The following ZNF865 variants were observed in gnomAD, a reference collection of about 807,000 sequenced individuals.
The protein encoded by ZNF865 is zinc finger protein 865.
For synonymous variants in ZNF865, 763 were observed against 750.8 expected (o/e 1.02, Z -0.27); for missense variants, 1,311 against 1,593.4 (o/e 0.82, Z 3.02).
rs189616162 is a variant in ZNF865 at position 55,616,468 on chromosome 19, C to T, written c.2850C>T (p.His950=). Reference sequence around the variant, plus strand: ...GCTACCGCTCCAACCTGCTGGAGCACCAGCGGCTGCACCTGGGCGAGCGCG... The same window carrying T: ...GCTACCGCTCCAACCTGCTGGAGCATCAGCGGCTGCACCTGGGCGAGCGCG... ...TFRYRSNLLE[H]QRLHLGERAY... Residue 950 remains histidine, a synonymous_variant, in exon 2 of 2, where the codon CAC becomes CAT. Transcript: ENST00000568956. 594 of 1,532,528 alleles carry T rather than the reference C, an allele frequency of 3.9e-4. 4 individuals carry two copies. The African/African-American group carries it at 7.2e-3, about 18-fold the overall frequency. The allele number at this position is 1,532,528 out of a possible 1,614,324, so 94.9% of individuals were successfully genotyped here. A position where few individuals can be genotyped will look rare whatever the true frequency, so the allele number is the denominator to read the frequency against.
chr19:55,615,779 G>C lies in ZNF865; in HGVS notation c.2161G>C (p.Ala721Pro), dbSNP rs1442392652. ...CATGTGGCACAAGCTGGTCCACCAG[G>C]CCGCCCCCGAGCGCCTGCTCCCGCC... ...NLMWHKLVHQ[A>P]APERLLPPAP... The change falls in exon 2 of 2, where the codon GCC (alanine) becomes CCC (proline). Residue 721 changes from alanine to proline, a missense_variant. By Grantham distance (27) the Ala-to-Pro change is conservative. Transcript: ENST00000568956. 6.6e-7 allele frequency: 1 copy of C among 1,524,104 alleles called. No individual in the cohort carries two copies. The allele number at this position is 1,524,104 out of a possible 1,614,324, so 94.4% of individuals were successfully genotyped here.
Position 55,614,065 on chromosome 19 carries a change from C to T in ZNF865, c.447C>T (p.Ile149=). ...DAAFPTPQWG[I]VDLSGHQHLF... The stretch of plus-strand genomic sequence containing the variant: ...CTTTCCCCACTCCGCAGTGGGGCAT[C>T]GTGGACCTCTCGGGGCACCAGCACT... The change falls in exon 2 of 2, where the codon ATC becomes ATT. Residue 149 remains isoleucine, a synonymous_variant. Coordinates refer to ENST00000568956, the MANE Select transcript of ZNF865 (RefSeq NM_001195605.2). This position sits in a 1 kb window ranked among gnomAD's most constrained non-coding sequence, Gnocchi z 8.0. The T allele has an allele frequency of 1.4e-6, 2 of 1,461,142 alleles. No homozygotes were observed. Among genetic ancestry groups the T allele is most frequent in the South Asian group, 1.4e-5 (1 of 71,974 alleles). The allele number at this position is 1,461,142 out of a possible 1,614,324, so 90.5% of individuals were successfully genotyped here.
chr19:55,609,665 T>G (rs1168480123), intron 1 of ZNF865, among the ~76,000 whole-genome samples: 1 of 152,146 alleles, frequency 6.6e-6, no homozygotes, highest in Non-Finnish European at 1.5e-5. Context: ...TTTCCCCACT[T>G]ATAAGATGGG....
intron 1 of ZNF865, among the ~76,000 whole-genome samples, chr19:55,606,591 A>G (rs1475981713): frequency 2.6e-5 from 4 of 152,184 alleles, no homozygotes; most frequent in Admixed American, 6.5e-5. Flanking sequence ...TCCTCTTCCT[A>G]TGGCGTGAAC....
intron 1 of ZNF865, among the ~76,000 whole-genome samples, chr19:55,607,033 G>A (rs1023999543): frequency 3.3e-5 from 5 of 152,168 alleles, no homozygotes; most frequent in African/African-American, 1.2e-4. Flanking sequence ...CGGTGAGGGT[G>A]GAGTGGAAGA....
chr19:55,616,032 T>G lies in ZNF865; in HGVS notation c.2414T>G (p.Leu805Arg). 1 of 1,525,918 alleles carries G rather than the reference T, an allele frequency of 6.6e-7. No homozygotes were observed. Among genetic ancestry groups the G allele is most frequent in the Non-Finnish European group, 8.8e-7 (1 of 1,142,410 alleles). The allele number at this position is 1,525,918 out of a possible 1,614,324, so 94.5% of individuals were successfully genotyped here. A position where few individuals can be genotyped will look rare whatever the true frequency, so the allele number is the denominator to read the frequency against. The change falls in exon 2 of 2, where the codon CTG becomes CGG. Residue 805 changes from leucine to arginine, a missense_variant. Coordinates refer to ENST00000568956, the MANE Select transcript of ZNF865 (RefSeq NM_001195605.2). Reference sequence around the variant, plus strand: ...TGCGGCCAGAGTTTCAAGCACTTCCTGGGCCTCGTGACTCACAAGTACGTG... The same window carrying G: ...TGCGGCCAGAGTTTCAAGCACTTCCGGGGCCTCGTGACTCACAAGTACGTG... ...ATCGQSFKHF[L>R]GLVTHKYVHL...
At position 55,613,929 on chromosome 19, in the gene ZNF865, C is replaced by T. The variant is rs1166371301; in HGVS notation, c.311C>T (p.Ser104Phe). The change falls in exon 2 of 2, where the codon TCT becomes TTT. Residue 104 changes from serine (S) to phenylalanine (F), a missense_variant. Ser to Phe is a radical substitution (Grantham distance 155). Coordinates refer to ENST00000568956, the MANE Select transcript of ZNF865 (RefSeq NM_001195605.2). The part of the protein sequence containing the change: ...SSSSSSSSSS[S>F]SSSSSSSSSS... ...TCGTCCTCGTCCTCCTCCTCCTCCTCTTCGTCCTCCTCGTCGTCATCTTCG... is the reference window on the plus strand; with the variant it reads ...TCGTCCTCGTCCTCCTCCTCCTCCTTTTCGTCCTCCTCGTCGTCATCTTCG... 1.3e-6 allele frequency: 2 copies of T among 1,531,218 alleles called. No homozygotes were observed. Among genetic ancestry groups the T allele is most frequent in the South Asian group, 1.2e-5 (1 of 83,816 alleles). 94.9% of individuals were successfully genotyped at this position (1,531,218 alleles called of 1,614,324 possible). A position where few individuals can be genotyped will look rare whatever the true frequency, so the allele number is the denominator to read the frequency against.
intron 1 of ZNF865, 51 bp from the exon 2 acceptor site, chr19:55,613,542 G>A: frequency 7.0e-7 from 1 of 1,418,666 alleles, no homozygotes; most frequent in Non-Finnish European, 9.3e-7. Context: ...TTCACCTGCG[G>A]GGAGACCCAG....
rs1004994695 is a variant in ZNF865 at position 55,617,101 on chromosome 19, T to C, written c.*303T>C. 10 of 236,528 alleles carry C rather than the reference T, an allele frequency of 4.2e-5. No homozygotes were observed. The highest frequency in any genetic ancestry group is 1.4e-4 in the South Asian group (1 of 7,310). 14.7% of individuals were successfully genotyped at this position (236,528 alleles called of 1,614,324 possible). A position where few individuals can be genotyped will look rare whatever the true frequency, so the allele number is the denominator to read the frequency against. On this transcript the variant is annotated 3_prime_UTR_variant, in exon 2 of 2. Coordinates refer to ENST00000568956, the MANE Select transcript of ZNF865 (RefSeq NM_001195605.2). The stretch of plus-strand genomic sequence containing the variant: ...CCCAGTAAGTTTTGGCGGAGATGGG[T>C]CTGAACCGCCCCTCCCCCTCCTTTG...
At position 55,611,525 on chromosome 19, in the gene ZNF865, G is replaced by T. The variant is rs977979691; in HGVS notation, c.-26-2068G>T. Reference sequence around the variant, plus strand: ...CCGGAGATCAGATTAAACGGAGGGGGTGTGAAGGGCATGGGATGTTGAGTC... The same window carrying T: ...CCGGAGATCAGATTAAACGGAGGGGTTGTGAAGGGCATGGGATGTTGAGTC... On this transcript the variant is annotated intron_variant, in intron 1 of 1. Transcript: ENST00000568956. The surrounding 1 kb of genome is among the most constrained non-coding windows in gnomAD (Gnocchi z 4.5). Among the ~76,000 whole-genome samples, 6 of 152,212 alleles carry T rather than the reference G, an allele frequency of 3.9e-5. No individual in the cohort carries two copies. The highest frequency in any genetic ancestry group is 8.8e-5 in the Non-Finnish European group (6 of 68,040).
Position 55,614,823 on chromosome 19 carries a change from C to T in ZNF865, c.1205C>T (p.Ala402Val). The T allele has an allele frequency of 6.5e-7, 1 of 1,538,672 alleles. No individual in the cohort carries two copies. The highest frequency in any genetic ancestry group is 8.7e-7 in the Non-Finnish European group (1 of 1,149,436). The part of the protein sequence containing the change: ...SLKRHVKTHS[A>V]DLLRLPCGIC... Reference sequence around the variant, plus strand: ...AAGCGCCACGTGAAGACGCACTCGGCCGACCTCCTGCGCCTGCCCTGCGGC... The same window carrying T: ...AAGCGCCACGTGAAGACGCACTCGGTCGACCTCCTGCGCCTGCCCTGCGGC... The change falls in exon 2 of 2, where the codon GCC becomes GTC. Residue 402 changes from alanine (A) to valine (V), a missense_variant. By Grantham distance (64) the Ala-to-Val change is moderately conservative. Transcript: ENST00000568956. The surrounding 1 kb of genome is among the most constrained non-coding windows in gnomAD (Gnocchi z 8.0).
chr19:55,616,448 C>A lies in ZNF865; in HGVS notation c.2830C>A (p.Arg944Ser). The change falls in exon 2 of 2, where the codon CGC (arginine) becomes AGC (serine). Residue 944 changes from arginine (R) to serine (S), a missense_variant. By Grantham distance (110) the Arg-to-Ser change is moderately radical (BLOSUM62 -1). Transcript: ENST00000568956. ...CGCCTGTGGCAAGACCTTCCGCTAC[C>A]GCTCCAACCTGCTGGAGCACCAGCG... ...CSACGKTFRY[R>S]SNLLEHQRLH... 1 of 1,527,092 alleles carries A rather than the reference C, an allele frequency of 6.5e-7. No homozygotes were observed. The highest frequency in any genetic ancestry group is 8.8e-7 in the Non-Finnish European group (1 of 1,142,536). 94.6% of individuals were successfully genotyped at this position (1,527,092 alleles called of 1,614,324 possible).
At position 55,613,773 on chromosome 19, in the gene ZNF865, C is replaced by T. The variant is rs1360717725; in HGVS notation, c.155C>T (p.Ala52Val). 2 of 1,534,056 alleles carry T rather than the reference C, an allele frequency of 1.3e-6. No individual in the cohort carries two copies. The highest frequency in any genetic ancestry group is 8.7e-7 in the Non-Finnish European group (1 of 1,145,880). The change falls in exon 2 of 2, where the codon GCC becomes GTC. Residue 52 changes from alanine to valine, a missense_variant. By Grantham distance (64) the Ala-to-Val change is moderately conservative. Transcript: ENST00000568956. ...FEPMELYGEH[A>V]KAVAALPCAP... ...CCCATGGAACTGTATGGGGAACACG[C>T]CAAGGCGGTGGCGGCCCTGCCCTGC...
intron 1 of ZNF865, among the ~76,000 whole-genome samples, chr19:55,608,087 T>C (rs1423719571): frequency 1.3e-5 from 2 of 151,984 alleles, no homozygotes; most frequent in Non-Finnish European, 2.9e-5. Flanking sequence ...GTTAGGGAGA[T>C]GAGGATGTGG....
chr19:55,613,397 T>C (rs1275661136), intron 1 of ZNF865, among the ~76,000 whole-genome samples, 196 bp from the exon 2 acceptor site: 3 of 151,166 alleles, frequency 2.0e-5, no homozygotes, highest in South Asian at 2.1e-4. Context: ...TGAAGGTGAG[T>C]AGGAGAGTCC....
rs1981284365 is a variant in ZNF865, at chr19:55,614,757, G to A, written c.1139G>A (p.Cys380Tyr). The change falls in exon 2 of 2, where the codon TGC becomes TAC. Residue 380 changes from cysteine to tyrosine, a missense_variant. Physicochemically the swap from Cys to Tyr is radical, Grantham distance 194. Transcript: ENST00000568956. The surrounding 1 kb of genome is among the most constrained non-coding windows in gnomAD (Gnocchi z 8.0). ...IIHTGEKPFSCSVCSKSFNRR... is the reference protein window; with the variant it reads ...IIHTGEKPFSYSVCSKSFNRR... ...CACACGGGCGAGAAGCCCTTCTCCT[G>A]CTCCGTGTGCAGCAAAAGCTTCAAC... 2 of 1,581,430 alleles carry A rather than the reference G, an allele frequency of 1.3e-6. No individual in the cohort carries two copies. Among genetic ancestry groups the A allele is most frequent in the Non-Finnish European group, 1.7e-6 (2 of 1,171,918 alleles).
At chr19:55,607,245 A>C (rs1468562238) in intron 1 of ZNF865, among the ~76,000 whole-genome samples, 1 of 152,142 alleles carries the variant, frequency 6.6e-6, no homozygotes, top group Non-Finnish European at 1.5e-5. Context: ...AGAGAACAAA[A>C]TAGACAAGAA....
Position 55,613,913 on chromosome 19 carries a change from T to C in ZNF865, c.295T>C (p.Ser99Pro). 7.0e-7 allele frequency: 1 copy of C among 1,428,182 alleles called. No individual in the cohort carries two copies. The allele number at this position is 1,428,182 out of a possible 1,614,324, so 88.5% of individuals were successfully genotyped here. ...GGTGCCCTCCTCGTCCTCGTCCTCG[T>C]CCTCCTCCTCCTCCTCTTCGTCCTC... ...AEVPSSSSSS[S>P]SSSSSSSSSS... is the part of the protein sequence containing the mutation. The change falls in exon 2 of 2, where the codon TCC becomes CCC. Residue 99 changes from serine (S) to proline (P), a missense_variant. Physicochemically the swap from Ser to Pro is moderately conservative, Grantham distance 74. Transcript: ENST00000568956.
chr19:55,612,898 A>G (rs1981189524), intron 1 of ZNF865: 1 of 152,124 alleles, frequency 6.6e-6, no homozygotes, highest in South Asian at 2.1e-4. Context: ...CCTCCCTCCT[A>G]ATTACGCTGA....
Sources: gnomAD v4.1 joint callset for allele counts (sites outside exome capture counted in the v4.1 genomes callset) on GRCh38, gnomAD v4.1.1 for gene constraint, Gnocchi (gnomAD v3.1) non-coding constraint, MANE v1.5 for transcripts, NCBI Gene and HGNC (gene_info 2026-07-23, HGNC 2026-07-21) for gene names.